Variants in UNC5C observed in about 807,000 individuals in gnomAD.
UNC5C encodes the protein unc-5 netrin receptor C, also known as netrin receptor UNC5C.
UNC5C carries 47 observed loss-of-function variants against 99.8 expected under a neutral mutation model. The observed-to-expected ratio is 0.47, with a 90% CI of 0.37 to 0.60. UNC5C has a LOEUF of 0.60. Among genes scored for constraint, UNC5C ranks in the 20% least tolerant of loss-of-function variants. The pLI is 0.00. For missense variants in UNC5C, 1,062 were observed against 1,165.9 expected, an observed-to-expected ratio of 0.91 and a Z score of 1.30; for synonymous variants, 487 against 452.2, an observed-to-expected ratio of 1.08 and a Z score of -0.98.
intron 1 of UNC5C, among the ~76,000 whole-genome samples, chr4:95,424,274 ATGTGTG>A (rs1360381420): frequency 6.6e-6 from 1 of 151,484 alleles, no homozygotes; most frequent in East Asian, 2.0e-4. Context: ...TTCCAAGTGT[ATGTGTG>A]TGTGTACACA....
rs770886171 is a variant in UNC5C, at chr4:95,335,639, A to G, written c.125-8T>C. 7.5e-6 allele frequency: 12 copies of G among 1,599,900 alleles called. No homozygotes were observed. Among genetic ancestry groups the G allele is most frequent in the Non-Finnish European group, 7.7e-6 (9 of 1,173,652 alleles). On this transcript the variant is annotated splice_region_variant and splice_polypyrimidine_tract_variant and intron_variant, in intron 1 of 15. Coordinates refer to ENST00000453304, the MANE Select transcript of UNC5C (RefSeq NM_003728.4). Reference sequence around the variant, plus strand: ...CATGAAAAAAGTCATCATCTGAGAAAGAAGAAGAAAGTGGAAGATGGTTAA... The same window carrying G: ...CATGAAAAAAGTCATCATCTGAGAAGGAAGAAGAAAGTGGAAGATGGTTAA...
intron 3 of UNC5C, among the ~76,000 whole-genome samples, chr4:95,281,563 C>T (rs895415887): frequency 2.0e-5 from 3 of 152,050 alleles, no homozygotes; most frequent in African/African-American, 7.2e-5. Context: ...TGATAGAGGA[C>T]AGGAAGAGGA....
intron 2 of UNC5C, among the ~76,000 whole-genome samples, chr4:95,308,004 G>C (rs145224125): frequency 6.6e-6 from 1 of 152,126 alleles, no homozygotes; most frequent in African/African-American, 2.4e-5. Flanking sequence ...GCCCAGACCT[G>C]GCATTACGTT....
intron 10 of UNC5C, among the ~76,000 whole-genome samples, chr4:95,212,173 T>C (rs1301609698): frequency 6.6e-6 from 1 of 152,180 alleles, no homozygotes; most frequent in East Asian, 1.9e-4. Context: ...TATGATAGTG[T>C]CAGTTGCCAC....
At chr4:95,358,711 G>A (rs1415082511) in intron 1 of UNC5C, among the ~76,000 whole-genome samples, 5 of 152,062 alleles carry the variant, frequency 3.3e-5, no homozygotes, top group Admixed American at 1.3e-4. Flanking sequence ...CAAGTCTTTG[G>A]TGAAAATAGT....
At chr4:95,371,391 A>G (rs920966303) in intron 1 of UNC5C, among the ~76,000 whole-genome samples, 1 of 143,826 alleles carries the variant, frequency 7.0e-6, no homozygotes, top group Non-Finnish European at 1.5e-5. Flanking sequence ...TACAGCTATG[A>G]TAAGAAAGAA....
chr4:95,312,802 G>A (rs938826710), intron 2 of UNC5C, among the ~76,000 whole-genome samples: 7 of 152,122 alleles, frequency 4.6e-5, no homozygotes, highest in African/African-American at 1.7e-4. Context: ...TTGGTCAGAA[G>A]TTCTGTAGTA....
chr4:95,273,727 AC>A (rs774388181), intron 4 of UNC5C, among the ~76,000 whole-genome samples: 3 of 152,078 alleles, frequency 2.0e-5, no homozygotes, highest in Non-Finnish European at 4.4e-5. Context: ...TCTTTCTTTC[AC>A]CTGGTTTACT....
At chr4:95,295,252 G>A (rs1212949258) in intron 3 of UNC5C, among the ~76,000 whole-genome samples, 5 of 152,190 alleles carry the variant, frequency 3.3e-5, no homozygotes, top group African/African-American at 7.2e-5. Context: ...CTGTATTACA[G>A]TAAGGGTTCT....
intron 1 of UNC5C, among the ~76,000 whole-genome samples, chr4:95,501,535 C>T (rs1721775765): frequency 6.6e-6 from 1 of 152,096 alleles, no homozygotes. Flanking sequence ...AATATTGTTA[C>T]ATGCTAATGA....
intron 7 of UNC5C, among the ~76,000 whole-genome samples, chr4:95,237,668 A>G (rs370346152): frequency 1.3e-5 from 2 of 152,196 alleles, no homozygotes; most frequent in African/African-American, 4.8e-5. Flanking sequence ...TCTCTAATAT[A>G]TATTACTTAG....
At chr4:95,291,452 A>G (rs1051429089) in intron 3 of UNC5C, among the ~76,000 whole-genome samples, 9 of 152,136 alleles carry the variant, frequency 5.9e-5, no homozygotes, top group East Asian at 3.9e-4. Context: ...TTAATAACAC[A>G]TTTTTGTCCA....
intron 7 of UNC5C, among the ~76,000 whole-genome samples, chr4:95,223,519 T>G (rs1403217433): frequency 6.6e-6 from 1 of 152,232 alleles, no homozygotes; most frequent in African/African-American, 2.4e-5. Context: ...GGGAACTAAT[T>G]CTGGAGAAAC....
intron 7 of UNC5C, 24 bp downstream of exon 7, chr4:95,242,405 T>G: frequency 6.2e-7 from 1 of 1,613,896 alleles, no homozygotes; most frequent in Non-Finnish European, 8.5e-7. Context: ...CCTCAATGTC[T>G]GCAGTTTGCT....
chr4:95,214,101 G>A (rs1389885149), intron 10 of UNC5C, among the ~76,000 whole-genome samples: 1 of 152,184 alleles, frequency 6.6e-6, no homozygotes, highest in Non-Finnish European at 1.5e-5. Flanking sequence ...TTAAGAGTTT[G>A]CTGGATGAAG....
At chr4:95,175,179 G>T (rs1736284004) in intron 14 of UNC5C, among the ~76,000 whole-genome samples, 2 of 149,918 alleles carry the variant, frequency 1.3e-5, no homozygotes, top group Non-Finnish European at 3.0e-5. Flanking sequence ...CACACTGATG[G>T]GTCTTGACTC....
In UNC5C at chr4:95,170,277, A is replaced by G. The variant is rs745871673; in HGVS notation, c.2507T>C (p.Val836Ala). Residue 836 changes from valine to alanine, a missense_variant, in exon 15 of 16, where the codon GTC becomes GCC. Around this residue, in one of 3 missense-constraint regions of UNC5C, gnomAD observed 810 missense variants for 854.5 expected, o/e 0.95. Transcript: ENST00000453304. ...GATGCTGAAAGCACTGGGCCCCGTG[A>G]CCGTGGTGATGGTGTTCGCAGGATC... ...LLDPANTITT[V>A]TGPSAFSIPL... The G allele has an allele frequency of 1.9e-6, 3 of 1,614,032 alleles. No individual in the cohort carries two copies. The South Asian group carries it at 3.3e-5, about 18-fold the overall frequency.
At chr4:95,447,779 C>T (rs562106791) in intron 1 of UNC5C, among the ~76,000 whole-genome samples, 1 of 152,290 alleles carries the variant, frequency 6.6e-6, no homozygotes, top group East Asian at 1.9e-4. Flanking sequence ...GGATTATGGG[C>T]ATGACCCACT....
chr4:95,196,077 CAGGT>C (rs893134162), intron 12 of UNC5C, among the ~76,000 whole-genome samples: 13 of 152,134 alleles, frequency 8.5e-5, no homozygotes, highest in Non-Finnish European at 2.9e-5. Flanking sequence ...AAGAGACTGT[CAGGT>C]ATTGTACCCT....
Sources: gnomAD v4.1 joint callset for allele counts (sites outside exome capture counted in the v4.1 genomes callset) on GRCh38, gnomAD v4.1.1 for gene constraint, gnomAD v4.1.1 regional missense constraint, MANE v1.5 for transcripts, NCBI Gene and HGNC (gene_info 2026-07-23, HGNC 2026-07-21) for gene names.